Variants in DOCK1 observed in about 807,000 individuals in gnomAD.
The protein encoded by DOCK1 is dedicator of cytokinesis 1.
DOCK1 carries 138 observed loss-of-function variants against 262.7 expected under a neutral mutation model. That is an observed-to-expected ratio of 0.53 (90% CI 0.46 to 0.61). The LOEUF (loss-of-function observed/expected upper bound fraction) is 0.61. Among genes scored for constraint, DOCK1 ranks in the 20% least tolerant of loss-of-function variants. The pLI, the probability that DOCK1 is intolerant of heterozygous loss-of-function variation, is 0.00. For synonymous variants in DOCK1, 866 were observed against 867.4 expected (o/e 1.00, Z 0.03); for missense variants, 1,908 against 2,370.7 (o/e 0.80, Z 4.05).
At chr10:127,379,329 G>A (rs1035305998) in intron 35 of DOCK1, among the ~76,000 whole-genome samples, 3 of 152,192 alleles carry the variant, frequency 2.0e-5, no homozygotes, top group African/African-American at 7.2e-5. Flanking sequence ...TACTAATTAA[G>A]CTTTCTCCAT....
chr10:126,924,418 AGGGGGAG>A (rs1357887085), intron 1 of DOCK1, among the ~76,000 whole-genome samples: 2 of 123,358 alleles, frequency 1.6e-5, no homozygotes, highest in Admixed American at 1.7e-4. Flanking sequence ...GGAACTCAGT[AGGGGGAG>A]GCTGTGAGTG....
rs558160224 is a variant in DOCK1 at position 127,351,884 on chromosome 10, G to A, written c.3225-2785G>A. ...CTCTCACTGCCAGGGACCTCCAGCC[G>A]GCCCTTCCCCTCACAGCTCCCCACT... On this transcript the variant is annotated intron_variant, in intron 31 of 51. Transcript: ENST00000623213. Among the ~76,000 whole-genome samples, 25 of 151,998 alleles carry A rather than the reference G, an allele frequency of 1.6e-4. No individual in the cohort carries two copies. The East Asian group carries it at 2.5e-3, about 15-fold the overall frequency.
At chr10:127,029,894 A>G (rs996473345) in intron 16 of DOCK1, among the ~76,000 whole-genome samples, 2 of 152,088 alleles carry the variant, frequency 1.3e-5, no homozygotes, top group African/African-American at 4.8e-5. Context: ...AGTCCACCCA[A>G]ACTTAGGAGG....
chr10:127,290,150 C>T (rs2061300215), intron 29 of DOCK1, among the ~76,000 whole-genome samples: 1 of 151,936 alleles, frequency 6.6e-6, no homozygotes, highest in Admixed American at 6.6e-5. Flanking sequence ...GGGAAGAAGT[C>T]AGTCTTGTTT....
Position 127,249,040 on chromosome 10 carries a change from A to G in DOCK1, c.2949+931A>G, listed in dbSNP as rs367730973. Reference sequence around the variant, plus strand: ...CCACCCCCTGGTCCATGGAAAAATTATCTTCCACGAAACTGATCCCTGGTG... The same window carrying G: ...CCACCCCCTGGTCCATGGAAAAATTGTCTTCCACGAAACTGATCCCTGGTG... On this transcript the variant is annotated intron_variant, in intron 28 of 51. Coordinates refer to ENST00000623213, the MANE Select transcript of DOCK1 (RefSeq NM_001290223.2). Among the ~76,000 whole-genome samples the G allele has an allele frequency of 4.0e-4, 61 of 152,314 alleles. No individual in the cohort carries two copies. The South Asian group carries it at 9.7e-3, about 24-fold the overall frequency.
intron 27 of DOCK1, among the ~76,000 whole-genome samples, chr10:127,197,033 G>C (rs2057222664): frequency 1.3e-5 from 2 of 152,160 alleles, no homozygotes; most frequent in Admixed American, 6.5e-5. Flanking sequence ...GTGCCTGGCC[G>C]CTCACCTGCG....
intron 38 of DOCK1, among the ~76,000 whole-genome samples, chr10:127,394,721 CAA>C (rs2066715650): frequency 2.0e-5 from 3 of 152,194 alleles, no homozygotes; most frequent in Admixed American, 2.0e-4. Context: ...TCAGTAACAA[CAA>C]TGCTCCCTTA....
chr10:127,216,177 C>T (rs140312404), intron 27 of DOCK1, among the ~76,000 whole-genome samples: 2 of 152,152 alleles, frequency 1.3e-5, no homozygotes, highest in African/African-American at 4.8e-5. Context: ...TAGTCTGCCA[C>T]GTCCTGGAGC....
chr10:127,423,648 T>C (rs908545576), intron 46 of DOCK1, among the ~76,000 whole-genome samples: 2 of 152,178 alleles, frequency 1.3e-5, no homozygotes, highest in Non-Finnish European at 2.9e-5. Flanking sequence ...ATTTCTCTTT[T>C]GAAATGTACG....
intron 13 of DOCK1, among the ~76,000 whole-genome samples, chr10:127,020,765 C>CAG (rs150984194): frequency 2.6e-5 from 4 of 151,036 alleles, no homozygotes; most frequent in East Asian, 1.9e-4. Flanking sequence ...CTGTGGGCAC[C>CAG]AGAGAGAGAG....
intron 35 of DOCK1, among the ~76,000 whole-genome samples, chr10:127,376,670 A>G (rs1430883679): frequency 6.6e-6 from 1 of 152,232 alleles, no homozygotes; most frequent in Admixed American, 6.5e-5. Context: ...CTTCCCTACT[A>G]TGGACATAAC....
At chr10:126,935,992 AT>A (rs1282415343) in intron 1 of DOCK1, among the ~76,000 whole-genome samples, 1 of 152,132 alleles carries the variant, frequency 6.6e-6, no homozygotes, top group Non-Finnish European at 1.5e-5. Flanking sequence ...GCATTTTTTA[AT>A]TTTTTTAGAC....
chr10:127,149,464 G>A (rs563056974), intron 27 of DOCK1, among the ~76,000 whole-genome samples: 11 of 152,154 alleles, frequency 7.2e-5, no homozygotes, highest in Non-Finnish European at 1.2e-4. Flanking sequence ...AATATGTACC[G>A]CCTCCCATGG....
chr10:127,054,632 C>T (rs1160002687), intron 22 of DOCK1, among the ~76,000 whole-genome samples: 2 of 152,138 alleles, frequency 1.3e-5, no homozygotes, highest in African/African-American at 2.4e-5. Flanking sequence ...CCTGGCCCCC[C>T]CTGCCTTGCT....
intron 38 of DOCK1, among the ~76,000 whole-genome samples, chr10:127,390,725 G>C (rs116442248): frequency 2.9e-3 from 444 of 152,296 alleles, no homozygotes; most frequent in African/African-American, 0.01. Flanking sequence ...CACCTACTCA[G>C]TGCTTCATTA....
At chr10:127,084,859 C>T (rs1453979541) in intron 23 of DOCK1, among the ~76,000 whole-genome samples, 1 of 152,070 alleles carries the variant, frequency 6.6e-6, no homozygotes, top group African/African-American at 2.4e-5. Flanking sequence ...AGGCATCTTA[C>T]CTCCTGAAGA....
chr10:127,068,717 A>G (rs1465993840), intron 23 of DOCK1, among the ~76,000 whole-genome samples: 1 of 152,198 alleles, frequency 6.6e-6, no homozygotes, highest in Non-Finnish European at 1.5e-5. Context: ...TCCTATATAT[A>G]TACACACACA....
intron 29 of DOCK1, among the ~76,000 whole-genome samples, chr10:127,324,986 C>T (rs1400715791): frequency 2.0e-5 from 3 of 152,160 alleles, no homozygotes; most frequent in Non-Finnish European, 4.4e-5. Flanking sequence ...TGGGCACTGT[C>T]CTTCAACACT....
chr10:127,339,733 G>GTGTGTGTGTGTGCA (rs71032552), intron 30 of DOCK1, among the ~76,000 whole-genome samples: 4,233 of 108,740 alleles, frequency 0.039, 194 homozygotes, highest in East Asian at 0.071. Flanking sequence ...GTGTGTGTGT[G>GTGTGTGTGTGTGCA]TGCATGCTGT....
Sources: allele counts gnomAD v4.1 joint callset (sites outside exome capture counted in the v4.1 genomes callset), GRCh38; gene constraint gnomAD v4.1.1; transcripts MANE v1.5; gene names NCBI Gene and HGNC (gene_info 2026-07-23, HGNC 2026-07-21).